Variants in PLCZ1 observed in about 807,000 individuals in gnomAD.
PLCZ1 encodes phospholipase C zeta 1, also known as 1-phosphatidylinositol 4,5-bisphosphate phosphodiesterase zeta-1.
A neutral mutation model predicts 76.8 loss-of-function variants in PLCZ1; 64 were observed. That is an observed-to-expected ratio of 0.83 (90% CI 0.68 to 1.03). The LOEUF is 1.03. Among genes scored for constraint, PLCZ1 ranks in the 50% least tolerant of loss-of-function variants. The pLI is 0.00. For synonymous variants in PLCZ1, 248 were observed against 230.8 expected, an observed-to-expected ratio of 1.07 and a Z score of -0.68; for missense variants, 751 against 713.7, an observed-to-expected ratio of 1.05 and a Z score of -0.60.
chr12:18,710,198 T>C (rs932057046), intron 6 of PLCZ1, among the ~76,000 whole-genome samples: 1 of 148,982 alleles, frequency 6.7e-6, no homozygotes, highest in African/African-American at 2.5e-5. Context: ...TCTTGCTTTT[T>C]GGAATCTTAG....
chr12:18,726,737 C>T (rs542496206), intron 3 of PLCZ1, among the ~76,000 whole-genome samples: 1 of 152,236 alleles, frequency 6.6e-6, no homozygotes, highest in East Asian at 1.9e-4. Flanking sequence ...ACAGAATTTA[C>T]TTTTAATGTA....
At chr12:18,652,263 A>G in the PLCZ1 span, among the ~76,000 whole-genome samples, 2 of 152,152 alleles carry the variant, frequency 1.3e-5, no homozygotes, top group African/African-American at 4.8e-5. Context: ...CCAGTCACAT[A>G]TAAGTATATG....
intron 3 of PLCZ1, 98 bp from the exon 4 acceptor site, chr12:18,723,640 A>C: frequency 1.1e-6 from 1 of 942,862 alleles, no homozygotes; most frequent in South Asian, 1.5e-5. Context: ...TTTATACTTG[A>C]AAGAAGATGA....
At chr12:18,712,692 A>ATTT in intron 6 of PLCZ1, 150 bp downstream of exon 6, 1 of 953,200 alleles carries the variant, frequency 1.0e-6, no homozygotes, top group Non-Finnish European at 1.6e-6. Context: ...TTAACTATAT[A>ATTT]CAACATGGAT....
intron 4 of PLCZ1, among the ~76,000 whole-genome samples, chr12:18,721,902 A>T (rs1046181267): frequency 6.6e-6 from 1 of 152,008 alleles, no homozygotes; most frequent in Admixed American, 6.6e-5. Flanking sequence ...AAATCTTTGC[A>T]TGGCACTGAG....
chr12:18,718,885 A>G (rs1196134721), intron 5 of PLCZ1, among the ~76,000 whole-genome samples: 1 of 152,190 alleles, frequency 6.6e-6, no homozygotes, highest in Non-Finnish European at 1.5e-5. Context: ...TATTAACAGT[A>G]TGATAGGTAC....
chr12:18,647,916 T>C, the PLCZ1 span: 2 of 1,595,992 alleles, frequency 1.3e-6, no homozygotes, highest in Non-Finnish European at 8.6e-7. Context: ...GGACATGTCT[T>C]AATGCTTATT....
At chr12:18,650,706 A>C in the PLCZ1 span, among the ~76,000 whole-genome samples, 1 of 8,368 alleles carries the variant, frequency 1.2e-4, no homozygotes, top group African/African-American at 4.8e-4. Flanking sequence ...GTGTGTGTGT[A>C]TATATCTATA....
the PLCZ1 span, among the ~76,000 whole-genome samples, chr12:18,664,443 G>C: frequency 6.6e-6 from 1 of 152,150 alleles, no homozygotes; most frequent in Non-Finnish European, 1.5e-5. Context: ...AGCATTGAAA[G>C]GGAAGGAAAT....
At chr12:18,717,933 T>G (rs1485152892) in intron 5 of PLCZ1, among the ~76,000 whole-genome samples, 1 of 152,130 alleles carries the variant, frequency 6.6e-6, no homozygotes, top group Non-Finnish European at 1.5e-5. Flanking sequence ...ATATGCTGTA[T>G]GAGATACTCC....
chr12:18,707,099 A>T (rs1956696801), intron 6 of PLCZ1, among the ~76,000 whole-genome samples: 1 of 152,170 alleles, frequency 6.6e-6, no homozygotes, highest in African/African-American at 2.4e-5. Flanking sequence ...AAAAGTCCTT[A>T]TGATGGTGTT....
At chr12:18,732,389 C>A (rs1959101951) in intron 3 of PLCZ1, among the ~76,000 whole-genome samples, 1 of 152,114 alleles carries the variant, frequency 6.6e-6, no homozygotes, top group Non-Finnish European at 1.5e-5. Context: ...TGAGCTCAGG[C>A]GATCTGCCCA....
intron 3 of PLCZ1, 149 bp downstream of exon 3, chr12:18,736,072 C>T (rs1959220074): frequency 1.2e-6 from 1 of 840,696 alleles, no homozygotes; most frequent in African/African-American, 1.7e-5. Flanking sequence ...ATTTTACCTT[C>T]TACTGAAATG....
At chr12:18,662,139 A>G in the PLCZ1 span, among the ~76,000 whole-genome samples, 1 of 152,068 alleles carries the variant, frequency 6.6e-6, no homozygotes, top group Non-Finnish European at 1.5e-5. Context: ...TGGAAAGTGC[A>G]AGGAGGGTGA....
chr12:18,698,506 C>T (rs1955436868), intron 10 of PLCZ1, among the ~76,000 whole-genome samples: 1 of 152,104 alleles, frequency 6.6e-6, no homozygotes, highest in Non-Finnish European at 1.5e-5. Context: ...CTATGACCAG[C>T]CCAATAAGGT....
chr12:18,647,394 G>A, the PLCZ1 span, among the ~76,000 whole-genome samples: 1 of 150,258 alleles, frequency 6.7e-6, no homozygotes, highest in Non-Finnish European at 1.5e-5. Context: ...CCAAACCACA[G>A]CATCATGCAA....
chr12:18,710,446 G>T (rs1957162075), intron 6 of PLCZ1, among the ~76,000 whole-genome samples: 1 of 151,898 alleles, frequency 6.6e-6, no homozygotes, highest in African/African-American at 2.4e-5. Context: ...GTTAAAATAG[G>T]TAATGAAAAA....
intron 1 of PLCZ1, 113 bp from the exon 2 acceptor site, chr12:18,737,622 C>T (rs938965161): frequency 1.7e-6 from 1 of 602,114 alleles, no homozygotes; most frequent in African/African-American, 1.9e-5. Flanking sequence ...ACTACCCTGC[C>T]CTTGAAACTG....
chr12:18,686,547 T>C (rs981166280), intron 13 of PLCZ1, among the ~76,000 whole-genome samples: 110 of 152,014 alleles, frequency 7.2e-4, no homozygotes, highest in African/African-American at 2.6e-3. Context: ...TTGTATTTTC[T>C]TCATATTTTA....
Sources: gnomAD v4.1 joint callset for allele counts (sites outside exome capture counted in the v4.1 genomes callset) on GRCh38, gnomAD v4.1.1 for gene constraint, MANE v1.5 for transcripts, NCBI Gene and HGNC (gene_info 2026-07-23, HGNC 2026-07-21) for gene names.